The following HSPA14 variants were observed in gnomAD, a reference collection of about 807,000 sequenced individuals.
HSPA14 encodes heat shock protein family A (Hsp70) member 14.
Under a neutral mutation model 65.5 loss-of-function variants are expected in HSPA14, and 37 were observed. The ratio of observed to expected loss-of-function variants is 0.56; its 90% CI spans 0.43 to 0.74. The LOEUF (loss-of-function observed/expected upper bound fraction) is 0.74. HSPA14 is among the 30% of genes least tolerant of loss of function. The pLI, the probability that HSPA14 is intolerant of heterozygous loss-of-function variation, is 0.00. For missense variants in HSPA14, 564 were observed against 607.6 expected (o/e 0.93, Z 0.75); for synonymous variants, 203 against 214.2 (o/e 0.95, Z 0.46).
At chr10:14,871,379 G>A in intron 13 of HSPA14, 149 bp from the exon 14 acceptor site, 1 of 572,654 alleles carries the variant, frequency 1.7e-6, no homozygotes, top group Admixed American at 3.7e-5. Context: ...TAGAGACACT[G>A]AGATTGTGTT....
Position 14,846,782 on chromosome 10 carries a change from G to C in HSPA14, c.222-1827G>C, listed in dbSNP as rs146168906. ...CTCTGGAGCACATTAGTGCTGGTGT[G>C]TGCCAAGCCCGTGGGCTGTTGACCG... On this transcript the variant is annotated intron_variant, in intron 3 of 13. Coordinates refer to ENST00000378372, the MANE Select transcript of HSPA14 (RefSeq NM_016299.4). The C allele has an allele frequency of 6.1e-6, 6 of 985,482 alleles. No homozygotes were observed. The African/African-American group carries it at 7.0e-5, about 11-fold the overall frequency. The allele number at this position is 985,482 out of a possible 1,614,324, so 61.0% of individuals were successfully genotyped here.
rs183218458 is a variant in HSPA14 at position 14,839,458 on chromosome 10, A to G, written c.58-447A>G. Among the ~76,000 whole-genome samples, 20 of 152,092 alleles carry G rather than the reference A, an allele frequency of 1.3e-4. No homozygotes were observed. The East Asian group carries it at 3.9e-3, about 29-fold the overall frequency. On this transcript the variant is annotated intron_variant, in intron 1 of 13. Coordinates refer to ENST00000378372, the MANE Select transcript of HSPA14 (RefSeq NM_016299.4). The stretch of plus-strand genomic sequence containing the variant: ...GGAACGCCTGTAATCCCAGCTGCTC[A>G]GGAGGCTGAGGCATGAGAATGGCTT...
intron 12 of HSPA14, among the ~76,000 whole-genome samples, chr10:14,869,228 TGTAC>T (rs1238326425): frequency 1.5e-5 from 2 of 137,014 alleles, no homozygotes; most frequent in South Asian, 2.3e-4. Context: ...TGTGTGTACG[TGTAC>T]GTGTGTGTGT....
chr10:14,842,674 C>G lies in HSPA14; in HGVS notation c.221+2517C>G. ...ATCAGAACTTAGTGGCCTCTGACGC[C>G]CCAGGGGAAGAGGGAACCGGCATTC... On this transcript the variant is annotated intron_variant, in intron 3 of 13. Transcript: ENST00000378372. This position sits in a 1 kb window ranked among gnomAD's most constrained non-coding sequence, Gnocchi z 5.2. 6.5e-7 allele frequency: 1 copy of G among 1,536,212 alleles called. No homozygotes were observed. The highest frequency in any genetic ancestry group is 8.7e-7 in the Non-Finnish European group (1 of 1,146,942).
chr10:14,865,828 G>A (rs1457389225), intron 10 of HSPA14, among the ~76,000 whole-genome samples: 1 of 152,200 alleles, frequency 6.6e-6, no homozygotes, highest in Non-Finnish European at 1.5e-5. Context: ...GAACTTTACA[G>A]TAGTTTTTTC....
At chr10:14,855,807 CTGTG>C (rs753699266) in intron 9 of HSPA14, 30 bp from the exon 10 acceptor site, 2 of 1,043,622 alleles carry the variant, frequency 1.9e-6, no homozygotes, top group African/African-American at 1.6e-5. Context: ...GTCCCTGTGT[CTGTG>C]TGTTTCTGTG....
intron 3 of HSPA14, among the ~76,000 whole-genome samples, chr10:14,841,549 T>C (rs180962667): frequency 5.9e-5 from 9 of 152,180 alleles, no homozygotes; most frequent in Non-Finnish European, 8.8e-5. Flanking sequence ...CACATCGATA[T>C]AGTCCAGATA....
At chr10:14,862,764 C>A (rs915291492) in intron 10 of HSPA14, among the ~76,000 whole-genome samples, 2 of 152,026 alleles carry the variant, frequency 1.3e-5, no homozygotes, top group African/African-American at 4.8e-5. Context: ...ACTGCAGCCT[C>A]GAACTCCCAG....
intron 8 of HSPA14, 90 bp downstream of exon 8, chr10:14,852,621 T>C (rs1834116958): frequency 9.4e-7 from 1 of 1,058,254 alleles, no homozygotes; most frequent in Non-Finnish European, 1.4e-6. Flanking sequence ...TAAGTTATCC[T>C]GCTGCAAAGG....
At position 14,838,355 on chromosome 10, in the gene HSPA14, G is replaced by T. The variant is rs1478975319; in HGVS notation, c.-48G>T. The T allele has an allele frequency of 1.9e-6, 3 of 1,555,604 alleles. No individual in the cohort carries two copies. The highest frequency in any genetic ancestry group is 2.6e-6 in the Non-Finnish European group (3 of 1,149,620). The stretch of plus-strand genomic sequence containing the variant: ...GGCCGTTGGGCGGCCGGTAGCTGTT[G>T]CTGTTGGGGGACCCCCTCATTCCTG... On this transcript the variant is annotated 5_prime_UTR_variant, in exon 1 of 14. Coordinates refer to ENST00000378372, the MANE Select transcript of HSPA14 (RefSeq NM_016299.4).
chr10:14,871,608 G>C lies in HSPA14; in HGVS notation c.*2G>C. 1 of 1,518,936 alleles carries C rather than the reference G, an allele frequency of 6.6e-7. No individual in the cohort carries two copies. 94.1% of individuals were successfully genotyped at this position (1,518,936 alleles called of 1,614,324 possible). On this transcript the variant is annotated 3_prime_UTR_variant, in exon 14 of 14. Transcript: ENST00000378372. ...ATCTCTATTGAGATAGCATCTTAGT[G>C]TTTTAGAGAAATCAAGAATTTTTAA...
intron 10 of HSPA14, among the ~76,000 whole-genome samples, chr10:14,861,245 G>T (rs1832747834): frequency 6.6e-6 from 1 of 152,134 alleles, no homozygotes; most frequent in Non-Finnish European, 1.5e-5. Flanking sequence ...GAGGGTGCTG[G>T]GAGAAGATGT....
chr10:14,866,751 A>G (rs543471736), intron 10 of HSPA14, among the ~76,000 whole-genome samples: 8 of 152,276 alleles, frequency 5.3e-5, no homozygotes, highest in African/African-American at 1.9e-4. Context: ...CAAAATATTG[A>G]TATATTTTCT....
chr10:14,862,907 C>T (rs1832768078), intron 10 of HSPA14, among the ~76,000 whole-genome samples: 1 of 150,454 alleles, frequency 6.6e-6, no homozygotes, highest in African/African-American at 2.5e-5. Flanking sequence ...TAGTCTTGAA[C>T]TCCTAGGCTC....
intron 10 of HSPA14, among the ~76,000 whole-genome samples, chr10:14,866,328 A>G (rs1400884852): frequency 1.3e-5 from 2 of 152,214 alleles, no homozygotes; most frequent in Non-Finnish European, 2.9e-5. Context: ...TGAACGTGAA[A>G]GAGGCCTAGC....
chr10:14,868,233 G>A (rs1832823905), intron 12 of HSPA14, among the ~76,000 whole-genome samples: 1 of 152,134 alleles, frequency 6.6e-6, no homozygotes, highest in Non-Finnish European at 1.5e-5. Context: ...TATTGTGTAC[G>A]TTTTACAGAT....
At chr10:14,864,777 A>G (rs578174595) in intron 10 of HSPA14, among the ~76,000 whole-genome samples, 8 of 152,326 alleles carry the variant, frequency 5.3e-5, no homozygotes, top group African/African-American at 1.4e-4. Flanking sequence ...TAGTACCGCA[A>G]TGAACATATG....
chr10:14,863,035 T>C (rs1832769898), intron 10 of HSPA14, among the ~76,000 whole-genome samples: 3 of 152,102 alleles, frequency 2.0e-5, no homozygotes, highest in Admixed American at 2.0e-4. Context: ...TATTTTTACA[T>C]ATGTATTTTT....
At chr10:14,854,077 TA>T in intron 8 of HSPA14, 47 bp from the exon 9 acceptor site, 1 of 1,487,976 alleles carries the variant, frequency 6.7e-7, no homozygotes, top group Non-Finnish European at 9.1e-7. Flanking sequence ...TACAATATTG[TA>T]AATGGCCCAG....
Sources: allele counts gnomAD v4.1 joint callset (sites outside exome capture counted in the v4.1 genomes callset), GRCh38; gene constraint gnomAD v4.1.1; non-coding constraint Gnocchi (gnomAD v3.1); transcripts MANE v1.5; gene names NCBI Gene and HGNC (gene_info 2026-07-23, HGNC 2026-07-21).